DCAF8L2: variants seen among roughly 807,000 people sequenced by gnomAD.
DCAF8L2 encodes DDB1- and CUL4-associated factor 8-like protein 2.
For synonymous variants in DCAF8L2, 200 were observed against 190.9 expected, an observed-to-expected ratio of 1.05 and a Z score of -0.39; for missense variants, 430 against 490.7, an observed-to-expected ratio of 0.88 and a Z score of 1.17.
At chrX:27,519,274 G>T in the DCAF8L2 span, 1 of 999,166 alleles carries the variant, frequency 1.0e-6, no homozygotes, top group African/African-American at 1.9e-5. Context: ...AAAAGCTCTA[G>T]AACTGGATCA....
At chrX:27,669,553 G>A (rs773464506) in intron 2 of DCAF8L2, among the ~76,000 whole-genome samples, 9 of 108,663 alleles carry the variant, frequency 8.3e-5, no homozygotes, top group Middle Eastern at 4.8e-3. Flanking sequence ...GTATACATGC[G>A]CCATGTTAGT....
chrX:27,506,423 C>G, the DCAF8L2 span, among the ~76,000 whole-genome samples: 15 of 111,564 alleles, frequency 1.3e-4, no homozygotes, highest in Non-Finnish European at 2.8e-4. Context: ...GTCTCACAAA[C>G]TTGGTGACTT....
chrX:27,484,225 A>G, the DCAF8L2 span, among the ~76,000 whole-genome samples: 5 of 111,753 alleles, frequency 4.5e-5, no homozygotes, highest in Non-Finnish European at 7.5e-5. Flanking sequence ...TGTATAGTGT[A>G]TACACATCTC....
chrX:27,744,628 A>G (rs1316176186), intron 4 of DCAF8L2, among the ~76,000 whole-genome samples: 1 of 111,822 alleles, frequency 8.9e-6, no homozygotes, highest in Non-Finnish European at 1.9e-5. Flanking sequence ...AAAGCTATCA[A>G]AAAAACTGAT....
the DCAF8L2 span, among the ~76,000 whole-genome samples, chrX:27,579,770 C>T: frequency 9.1e-6 from 1 of 109,669 alleles, no homozygotes; most frequent in Admixed American, 9.8e-5. Context: ...TACATTGCAC[C>T]AGCTTAAATG....
the DCAF8L2 span, among the ~76,000 whole-genome samples, chrX:27,547,653 C>G: frequency 9.0e-6 from 1 of 110,653 alleles, no homozygotes; most frequent in South Asian, 3.9e-4. Flanking sequence ...CTCATGAGAA[C>G]TCACTCAAAA....
chrX:27,477,356 C>T, the DCAF8L2 span, among the ~76,000 whole-genome samples: 15 of 111,761 alleles, frequency 1.3e-4, no homozygotes, highest in African/African-American at 4.2e-4. Flanking sequence ...GGTGCGATCT[C>T]GGCTCACTGC....
Position 27,747,880 on chromosome X carries a change from G to A in DCAF8L2, c.985G>A (p.Asp329Asn). 3.3e-6 allele frequency: 4 copies of A among 1,210,536 alleles called. No individual in the cohort carries two copies. The highest frequency in any genetic ancestry group is 2.2e-5 in the Admixed American group (1 of 45,964). Residue 329 changes from aspartate to asparagine, a missense_variant, in exon 5 of 5, where the codon GAC (aspartate) becomes AAC (asparagine). Physicochemically the swap from Asp to Asn is conservative, Grantham distance 23. Coordinates refer to ENST00000451261, the MANE Select transcript of DCAF8L2 (RefSeq NM_001353450.2). ...TGCCCACAAGTTGGCTCTGGAGCCTGACTCTCCTTATAAGTTCCTCACTTC... is the reference window on the plus strand; with the variant it reads ...TGCCCACAAGTTGGCTCTGGAGCCTAACTCTCCTTATAAGTTCCTCACTTC... ...GPAHKLALEPDSPYKFLTSGE... is the reference protein window; with the variant it reads ...GPAHKLALEPNSPYKFLTSGE...
intron 2 of DCAF8L2, among the ~76,000 whole-genome samples, chrX:27,651,332 C>T (rs1240701260): frequency 6.4e-5 from 7 of 110,021 alleles, no homozygotes; most frequent in Non-Finnish European, 1.3e-4. Context: ...GGAAGTGGTC[C>T]TTATTTTATA....
intron 2 of DCAF8L2, among the ~76,000 whole-genome samples, chrX:27,637,186 A>G (rs369940482): frequency 8.9e-6 from 1 of 111,998 alleles, no homozygotes; most frequent in Admixed American, 9.5e-5. Flanking sequence ...ATCTGATTAC[A>G]TGGCTTATTA....
intron 1 of DCAF8L2, among the ~76,000 whole-genome samples, chrX:27,624,620 A>G (rs1426771370): frequency 9.0e-6 from 1 of 111,557 alleles, no homozygotes; most frequent in Non-Finnish European, 1.9e-5. Flanking sequence ...CAAGGGTGCA[A>G]TAACCAAAAC....
chrX:27,741,663 T>C (rs1170841308), intron 4 of DCAF8L2, among the ~76,000 whole-genome samples: 1 of 111,491 alleles, frequency 9.0e-6, no homozygotes, highest in African/African-American at 3.3e-5. Context: ...CAGAGGTGTA[T>C]GAGGAGTGAG....
chrX:27,590,474 T>C (rs1372466163), intron 1 of DCAF8L2, 34 bp downstream of exon 1: 1 of 111,324 alleles, frequency 9.0e-6, no homozygotes, highest in African/African-American at 3.3e-5. Flanking sequence ...CAACAATGAT[T>C]TTGGGAGTGG....
Position 27,651,083 on chromosome X carries a change from G to A in DCAF8L2, c.-220+19083G>A, listed in dbSNP as rs149633626. 7.6e-3 allele frequency among the ~76,000 whole-genome samples: 857 copies of A among 112,253 alleles called. 6 individuals carry two copies. The highest frequency in any genetic ancestry group is 0.026 in the African/African-American group (817 of 30,899). On this transcript the variant is annotated intron_variant, in intron 2 of 4. Transcript: ENST00000451261. ...GATTTTTGTTTTTAATCCTGTGTAT[G>A]TGGTAAATTACATTTACTAATTTGC...
the DCAF8L2 span, among the ~76,000 whole-genome samples, chrX:27,560,394 C>T: frequency 9.0e-6 from 1 of 111,643 alleles, no homozygotes; most frequent in Non-Finnish European, 1.9e-5. Flanking sequence ...ATCCACTTAT[C>T]AACTTGCGCC....
chrX:27,502,333 AAAATATATATAT>A, the DCAF8L2 span, among the ~76,000 whole-genome samples: 11 of 23,304 alleles, frequency 4.7e-4, no homozygotes, highest in East Asian at 2.8e-3. Context: ...AAAAAAAAAA[AAAATATATATAT>A]ATATATATAT....
intron 3 of DCAF8L2, among the ~76,000 whole-genome samples, chrX:27,687,776 C>A (rs921538022): frequency 2.2e-4 from 25 of 111,664 alleles, no homozygotes; most frequent in African/African-American, 8.1e-4. Context: ...ATTGCTTGAA[C>A]CCAGGAGGTG....
intron 3 of DCAF8L2, among the ~76,000 whole-genome samples, chrX:27,707,966 T>C (rs1931396836): frequency 8.9e-6 from 1 of 111,741 alleles, no homozygotes; most frequent in African/African-American, 3.3e-5. Flanking sequence ...AGTATGTGTT[T>C]TCTCTGTTTC....
At chrX:27,612,727 G>C (rs1330945853) in intron 1 of DCAF8L2, among the ~76,000 whole-genome samples, 1 of 111,569 alleles carries the variant, frequency 9.0e-6, no homozygotes, top group African/African-American at 3.3e-5. Context: ...TCTTGTTTTT[G>C]TCAGGTTTGT....
Sources: gnomAD v4.1 joint callset for allele counts (sites outside exome capture counted in the v4.1 genomes callset) on GRCh38, gnomAD v4.1.1 for gene constraint, MANE v1.5 for transcripts, NCBI Gene and HGNC (gene_info 2026-07-23, HGNC 2026-07-21) for gene names.